The following SLC8A1 variants were observed in gnomAD, a reference collection of about 807,000 sequenced individuals.
SLC8A1 encodes the protein solute carrier family 8 member A1, also known as sodium/calcium exchanger 1.
Under a neutral mutation model 68.3 loss-of-function variants are expected in SLC8A1, and 18 were observed. The observed-to-expected ratio is 0.26, with a 90% confidence interval of 0.18 to 0.39. The LOEUF is 0.39. SLC8A1 is among the 10% of genes least tolerant of loss of function. SLC8A1 has a pLI of 1.00. For missense variants in SLC8A1, 985 were observed against 1,156.7 expected (o/e 0.85, Z 2.15); for synonymous variants, 475 against 415.5 (o/e 1.14, Z -1.74).
In SLC8A1 at chr2:40,165,104, GGTGAGATCACGATGCTGGA is replaced by G. The variant is rs1204258353; in HGVS notation, c.1931-139_1931-121del. The G allele has an allele frequency of 1.6e-5, 20 of 1,253,492 alleles. No individual in the cohort carries two copies. In the East Asian group the frequency reaches 1.6e-4, roughly 10 times the overall value. 77.6% of individuals were successfully genotyped at this position (1,253,492 alleles called of 1,614,324 possible). A position where few individuals can be genotyped will look rare whatever the true frequency, so the allele number is the denominator to read the frequency against. On this transcript the variant is annotated intron_variant, in intron 4 of 7. Coordinates refer to ENST00000406785, the Ensembl canonical transcript of SLC8A1. ...CCTAATGACCTACTAAAGCCCCCTG[GGTGAGATCACGATGCTGGA>G]GGGAAGAGCCAGACAGACACTTGGC...
intron 2 of SLC8A1, among the ~76,000 whole-genome samples, chr2:40,241,878 A>AG (rs2061269209): frequency 1.1e-5 from 1 of 90,786 alleles, no homozygotes; most frequent in South Asian, 3.0e-4. Context: ...AATAGATATC[A>AG]GTTTTTTTCT....
At chr2:40,152,928 T>C (rs1483302059) in intron 6 of SLC8A1, among the ~76,000 whole-genome samples, 1 of 125,830 alleles carries the variant, frequency 7.9e-6, no homozygotes, top group Admixed American at 8.0e-5. Context: ...GCCACTATGA[T>C]GTGCCACTGC....
intron 1 of SLC8A1, among the ~76,000 whole-genome samples, chr2:40,485,510 G>GGGTCGTCACCC: frequency 6.6e-6 from 1 of 152,210 alleles, no homozygotes; most frequent in Middle Eastern, 3.4e-3. Flanking sequence ...ACTTTTAAAC[G>GGGTCGTCACCC]TCTGGGGATG....
At chr2:40,268,988 C>T (rs1027078381) in intron 2 of SLC8A1, among the ~76,000 whole-genome samples, 3 of 152,126 alleles carry the variant, frequency 2.0e-5, no homozygotes, top group Non-Finnish European at 4.4e-5. Context: ...CATAAGGACT[C>T]CAAATATGAA....
At chr2:40,181,999 C>G (rs2049655830) in intron 2 of SLC8A1, among the ~76,000 whole-genome samples, 1 of 152,168 alleles carries the variant, frequency 6.6e-6, no homozygotes, top group Non-Finnish European at 1.5e-5. Flanking sequence ...ATCTCAAGGA[C>G]TGACGGAACC....
At chr2:40,123,594 C>T (rs980042189) in intron 7 of SLC8A1, among the ~76,000 whole-genome samples, 1 of 152,094 alleles carries the variant, frequency 6.6e-6, no homozygotes, top group African/African-American at 2.4e-5. Flanking sequence ...CTTTATAGTA[C>T]TTTAAAATGG....
chr2:40,333,276 A>T (rs1443093832), intron 2 of SLC8A1, among the ~76,000 whole-genome samples: 1 of 152,004 alleles, frequency 6.6e-6, no homozygotes, highest in Non-Finnish European at 1.5e-5. Flanking sequence ...GTCTCTACTA[A>T]AAATACGAAA....
chr2:40,115,306 A>G, exon 8 of SLC8A1: 4 of 1,614,128 alleles, frequency 2.5e-6, no homozygotes, highest in Non-Finnish European at 3.4e-6. Context: ...AAAATGTACA[A>G]GAGCCATAGG....
At chr2:40,418,771 C>A (rs1160732120) in intron 2 of SLC8A1, among the ~76,000 whole-genome samples, 1 of 152,212 alleles carries the variant, frequency 6.6e-6, no homozygotes, top group African/African-American at 2.4e-5. Context: ...CTAATCTCTG[C>A]TCTTCTGGTC....
At chr2:40,237,416 A>G (rs944866429) in intron 2 of SLC8A1, among the ~76,000 whole-genome samples, 15 of 152,084 alleles carry the variant, frequency 9.9e-5, no homozygotes, top group Non-Finnish European at 5.9e-5. Context: ...AGGCTTCTGC[A>G]TTCTTCACGT....
At chr2:40,344,875 C>G (rs1357420364) in intron 2 of SLC8A1, among the ~76,000 whole-genome samples, 1 of 152,148 alleles carries the variant, frequency 6.6e-6, no homozygotes, top group Non-Finnish European at 1.5e-5. Context: ...CACATGAGAT[C>G]TCAGGGTACA....
At chr2:40,340,380 G>A (rs749129799) in intron 2 of SLC8A1, among the ~76,000 whole-genome samples, 1 of 152,096 alleles carries the variant, frequency 6.6e-6, no homozygotes, top group Non-Finnish European at 1.5e-5. Context: ...GGCCGACATG[G>A]TGAACTCTCA....
chr2:40,199,923 C>T (rs1448509739), intron 2 of SLC8A1, among the ~76,000 whole-genome samples: 2 of 151,104 alleles, frequency 1.3e-5, no homozygotes, highest in Admixed American at 1.3e-4. Flanking sequence ...TAGAGATTGA[C>T]ACAGACCAGA....
At chr2:40,280,962 T>G (rs768280002) in intron 2 of SLC8A1, among the ~76,000 whole-genome samples, 9 of 152,246 alleles carry the variant, frequency 5.9e-5, no homozygotes, top group Non-Finnish European at 1.2e-4. Flanking sequence ...ATGAATAGAA[T>G]GAATTTTTAT....
intron 4 of SLC8A1, 110 bp downstream of exon 6, chr2:40,174,596 C>T (rs1461896511): frequency 8.9e-6 from 9 of 1,012,436 alleles, no homozygotes; most frequent in African/African-American, 1.6e-5. Flanking sequence ...AGCAAGAGCA[C>T]ACCATGTGCC....
rs74568992 is a variant in SLC8A1, at chr2:40,218,634, A to G, written c.1809-40779T>C. On this transcript the variant is annotated intron_variant, in intron 2 of 7. Transcript: ENST00000406785. Reference sequence around the variant, plus strand: ...AGCAAAGGGAAAAAAAAGGAGGCATATAGACCTTAGCTTATGTACTTTATG... The same window carrying G: ...AGCAAAGGGAAAAAAAAGGAGGCATGTAGACCTTAGCTTATGTACTTTATG... 9.1e-3 allele frequency among the ~76,000 whole-genome samples: 1,390 copies of G among 152,238 alleles called. 28 individuals carry two copies. The highest frequency in any genetic ancestry group is 0.031 in the African/African-American group (1,308 of 41,544).
chr2:40,267,875 T>G (rs1250567666), intron 2 of SLC8A1, among the ~76,000 whole-genome samples: 1 of 152,128 alleles, frequency 6.6e-6, no homozygotes, highest in African/African-American at 2.4e-5. Context: ...TCAGGGCCCC[T>G]CCCACATATT....
At chr2:40,202,511 T>G (rs1320043603) in intron 2 of SLC8A1, among the ~76,000 whole-genome samples, 3 of 152,022 alleles carry the variant, frequency 2.0e-5, no homozygotes, top group Non-Finnish European at 4.4e-5. Flanking sequence ...AACTTTGCAT[T>G]TCTGAATAGA....
intron 2 of SLC8A1, among the ~76,000 whole-genome samples, chr2:40,407,380 T>C (rs755659768): frequency 6.6e-6 from 1 of 152,210 alleles, no homozygotes; most frequent in Non-Finnish European, 1.5e-5. Flanking sequence ...AGATTCCTCA[T>C]GGACTGGTTC....
Sources: gnomAD v4.1 joint callset for allele counts (sites outside exome capture counted in the v4.1 genomes callset) on GRCh38, gnomAD v4.1.1 for gene constraint, MANE v1.5 for transcripts, NCBI Gene and HGNC (gene_info 2026-07-23, HGNC 2026-07-21) for gene names.